GRM8: variants seen among roughly 807,000 people sequenced by gnomAD.
The protein encoded by GRM8 is metabotropic glutamate receptor 8.
GRM8 carries 47 observed loss-of-function variants against 87.2 expected under a neutral mutation model. That is an observed-to-expected ratio of 0.54 (90% CI 0.43 to 0.69). The LOEUF is 0.69. Among genes scored for constraint, GRM8 ranks in the 30% least tolerant of loss-of-function variants. The pLI, the probability that GRM8 is intolerant of heterozygous loss-of-function variation, is 0.00. For synonymous variants in GRM8, 396 were observed against 404.5 expected (o/e 0.98, Z 0.25); for missense variants, 1,019 against 1,139.2 (o/e 0.89, Z 1.52).
intron 3 of GRM8, among the ~76,000 whole-genome samples, chr7:126,908,155 T>A (rs1649299038): frequency 6.6e-6 from 1 of 152,116 alleles, no homozygotes. Flanking sequence ...TTGTAATACT[T>A]TCGTCAGGGG....
In GRM8 at chr7:127,196,545, A is replaced by G. The variant is rs528742771; in HGVS notation, c.510+46150T>C. ...AACAAACAAACAAACAAAAAAAAAAACAAGCAAAAAACCACACATGCCCCT... is the reference window on the plus strand; with the variant it reads ...AACAAACAAACAAACAAAAAAAAAAGCAAGCAAAAAACCACACATGCCCCT... On this transcript the variant is annotated intron_variant, in intron 2 of 10. Transcript: ENST00000339582. Among the ~76,000 whole-genome samples, 180 of 151,640 alleles carry G rather than the reference A, an allele frequency of 1.2e-3. 3 individuals are homozygous for G. In the South Asian group the frequency reaches 0.037, roughly 31 times the overall value.
intron 6 of GRM8, among the ~76,000 whole-genome samples, chr7:126,811,740 T>C (rs1439536858): frequency 6.6e-6 from 1 of 152,096 alleles, no homozygotes; most frequent in Non-Finnish European, 1.5e-5. Flanking sequence ...CTGGATTCAT[T>C]TATCAAATCT....
chr7:126,856,115 TTCTG>T (rs1403908814), intron 6 of GRM8, among the ~76,000 whole-genome samples: 4 of 152,098 alleles, frequency 2.6e-5, no homozygotes, highest in South Asian at 2.1e-4. Context: ...CAAAAGTAAA[TTCTG>T]TCTTTTTTTT....
chr7:127,124,618 T>C (rs1265421557), intron 2 of GRM8, among the ~76,000 whole-genome samples: 1 of 152,134 alleles, frequency 6.6e-6, no homozygotes, highest in Non-Finnish European at 1.5e-5. Context: ...AATTTATCTC[T>C]GAAATAGTCA....
intron 3 of GRM8, among the ~76,000 whole-genome samples, chr7:126,931,126 G>A (rs1805722379): frequency 6.6e-6 from 1 of 152,194 alleles, no homozygotes; most frequent in Non-Finnish European, 1.5e-5. Flanking sequence ...TTAAAATAGA[G>A]GATGATTTTT....
chr7:127,041,222 A>T lies in GRM8; in HGVS notation c.727+65274T>A, dbSNP rs575603549. Among the ~76,000 whole-genome samples the T allele has an allele frequency of 1.1e-4, 16 of 152,338 alleles. No homozygotes were observed. The South Asian group carries it at 2.5e-3, about 24-fold the overall frequency. On this transcript the variant is annotated intron_variant, in intron 3 of 10. Transcript: ENST00000339582. ...AAAGCAGGGGAACAAAATGGGGCAT[A>T]GACAGTGGACTGGGATCAGCAGGTT...
chr7:126,654,983 G>A (rs1186881549), intron 7 of GRM8, among the ~76,000 whole-genome samples: 1 of 152,104 alleles, frequency 6.6e-6, no homozygotes, highest in Non-Finnish European at 1.5e-5. Context: ...ATCATTGACT[G>A]GAGGAAATGT....
intron 3 of GRM8, among the ~76,000 whole-genome samples, chr7:127,085,450 T>A (rs1465100342): frequency 6.6e-6 from 1 of 152,198 alleles, no homozygotes; most frequent in Non-Finnish European, 1.5e-5. Flanking sequence ...GCATTCCTAT[T>A]TCTCCACATC....
At chr7:126,900,602 C>A (rs368285755) in intron 6 of GRM8, among the ~76,000 whole-genome samples, 1 of 152,028 alleles carries the variant, frequency 6.6e-6, no homozygotes, top group South Asian at 2.1e-4. Flanking sequence ...CTCCACCTCC[C>A]GGGTTCAAGC....
rs559808411 is a variant in GRM8 at position 126,685,321 on chromosome 7, C to T, written c.1358-75823G>A. Among the ~76,000 whole-genome samples, 15 of 152,204 alleles carry T rather than the reference C, an allele frequency of 9.9e-5. No individual in the cohort carries two copies. The East Asian group carries it at 2.3e-3, about 24-fold the overall frequency. ...GGGTGACCAGAGAGGGGACTCGAGG[C>T]GGAGCCGGGCCTGGGGTGGTACCAT... is the stretch of plus-strand genomic sequence containing the variant. On this transcript the variant is annotated intron_variant, in intron 7 of 10. Coordinates refer to ENST00000339582, the MANE Select transcript of GRM8 (RefSeq NM_000845.3). This position sits in a 1 kb window ranked among gnomAD's most constrained non-coding sequence, Gnocchi z 4.2.
intron 2 of GRM8, among the ~76,000 whole-genome samples, chr7:127,168,019 G>T (rs539379052): frequency 3.7e-4 from 56 of 152,160 alleles, no homozygotes; most frequent in Non-Finnish European, 7.4e-4. Context: ...GGGATCTAAT[G>T]AAACTAAAGA....
chr7:126,683,750 AATTG>A (rs1262375928), intron 7 of GRM8, among the ~76,000 whole-genome samples: 1 of 152,184 alleles, frequency 6.6e-6, no homozygotes, highest in African/African-American at 2.4e-5. Context: ...GGAGTCTGGA[AATTG>A]ATTGCTTTTG....
At chr7:126,874,280 T>A (rs778902555) in intron 6 of GRM8, among the ~76,000 whole-genome samples, 5 of 152,042 alleles carry the variant, frequency 3.3e-5, no homozygotes, top group Admixed American at 6.6e-5. Flanking sequence ...TTTTAAATAA[T>A]AAATTTTCTG....
chr7:126,866,661 G>A (rs971458143), intron 6 of GRM8, among the ~76,000 whole-genome samples: 5 of 131,158 alleles, frequency 3.8e-5, no homozygotes, highest in Admixed American at 2.0e-4. Flanking sequence ...GTGCAATCTC[G>A]GCTCACAGCA....
At chr7:126,469,492 C>T (rs959052767) in intron 9 of GRM8, among the ~76,000 whole-genome samples, 1 of 152,134 alleles carries the variant, frequency 6.6e-6, no homozygotes, top group Non-Finnish European at 1.5e-5. Flanking sequence ...ACAATCCCCA[C>T]ATCTCATGGG....
At chr7:127,166,698 A>C (rs866472422) in intron 2 of GRM8, among the ~76,000 whole-genome samples, 12 of 152,208 alleles carry the variant, frequency 7.9e-5, no homozygotes, top group Admixed American at 1.3e-4. Context: ...ACTCAATCTC[A>C]TCTCACAAGT....
intron 7 of GRM8, among the ~76,000 whole-genome samples, chr7:126,621,155 T>G (rs1800135268): frequency 6.6e-6 from 1 of 152,188 alleles, no homozygotes; most frequent in Non-Finnish European, 1.5e-5. Context: ...TCCAATTTAC[T>G]TTACTAAGTA....
intron 9 of GRM8, among the ~76,000 whole-genome samples, chr7:126,523,469 C>T (rs1444685743): frequency 1.3e-5 from 2 of 151,656 alleles, no homozygotes; most frequent in South Asian, 2.1e-4. Flanking sequence ...CAAGTCCCCT[C>T]TCTATTGTCC....
At chr7:126,702,633 A>G (rs1810060254) in intron 7 of GRM8, among the ~76,000 whole-genome samples, 1 of 152,174 alleles carries the variant, frequency 6.6e-6, no homozygotes, top group African/African-American at 2.4e-5. Context: ...TTATAGTAGT[A>G]CAACCCTGAA....
Sources: allele counts gnomAD v4.1 joint callset (sites outside exome capture counted in the v4.1 genomes callset), GRCh38; gene constraint gnomAD v4.1.1; non-coding constraint Gnocchi (gnomAD v3.1); transcripts MANE v1.5; gene names NCBI Gene and HGNC (gene_info 2026-07-23, HGNC 2026-07-21).